The following HELZ2 variants were observed in gnomAD, a reference collection of about 807,000 sequenced individuals.
HELZ2 encodes the protein 3'-5' exoribonuclease HELZ2.
HELZ2 carries 143 observed loss-of-function variants against 208.8 expected under a neutral mutation model. That is an observed-to-expected ratio of 0.68 (90% CI 0.60 to 0.79). The LOEUF is 0.79. Ranked by LOEUF, HELZ2 falls within the 30% of genes least tolerant of loss-of-function variation. The pLI is 0.00. For missense variants in HELZ2, 3,690 were observed against 3,794.5 expected (o/e 0.97, Z 0.72); for synonymous variants, 1,705 against 1,693.7 (o/e 1.01, Z -0.16).
chr20:63,564,740 T>C, exon 8 of HELZ2: 1 of 1,611,442 alleles, frequency 6.2e-7, no homozygotes, highest in Non-Finnish European at 8.5e-7. Flanking sequence ...GGGACCCAGG[T>C]CTCGGACACT....
At chr20:63,568,756 C>T (rs756916746) in exon 5 of HELZ2, 99 of 1,604,722 alleles carry the variant, frequency 6.2e-5, no homozygotes, top group Non-Finnish European at 7.9e-5. Flanking sequence ...GCAGCCACAG[C>T]GCCTGCTCTG....
At chr20:63,566,796 C>A in intron 6 of HELZ2, 48 bp downstream of exon 7, 1 of 1,523,660 alleles carries the variant, frequency 6.6e-7, no homozygotes, top group East Asian at 2.3e-5. Context: ...GCTCCCCCTC[C>A]CCCAGCAGGG....
chr20:63,562,313 C>G, exon 9 of HELZ2: 1 of 1,599,718 alleles, frequency 6.3e-7, no homozygotes, highest in East Asian at 2.2e-5. Context: ...GCGGGACAGG[C>G]CGGCCCAGTG....
rs1301702115 is a variant in HELZ2, at chr20:63,560,977, A to T, written c.7147-48T>A. 6 of 1,601,400 alleles carry T rather than the reference A, an allele frequency of 3.7e-6. No individual in the cohort carries two copies. In the South Asian group the frequency reaches 5.5e-5, roughly 15 times the overall value. ...CCCTGACACCCCTAGACCCAGAGGG[A>T]CCCCAGCCCCACACGACACCCGCGT... is the stretch of plus-strand genomic sequence containing the variant. On this transcript the variant is annotated intron_variant, in intron 14 of 18. Transcript: ENST00000467148.
At chr20:63,567,677 T>C in intron 5 of HELZ2, 50 bp from the exon 7 acceptor site, 1 of 1,554,094 alleles carries the variant, frequency 6.4e-7, no homozygotes, top group Non-Finnish European at 8.7e-7. Flanking sequence ...GCCTCAGTGC[T>C]GTCCGCTAAA....
At chr20:63,571,625 A>G (rs2083016543) in intron 1 of HELZ2, 1 of 43,452 alleles carries the variant, frequency 2.3e-5, no homozygotes, top group Non-Finnish European at 4.0e-5. Flanking sequence ...CCCCGCTCCA[A>G]GCTCCTGGGA....
exon 10 of HELZ2, chr20:63,562,184 C>T (rs772899308): frequency 1.9e-6 from 3 of 1,612,114 alleles, no homozygotes; most frequent in Non-Finnish European, 2.5e-6. Flanking sequence ...TCTGCCGCTC[C>T]AGGAACCTGC....
exon 8 of HELZ2, chr20:63,565,396 C>T (rs200970369): frequency 3.2e-5 from 52 of 1,609,846 alleles, no homozygotes; most frequent in Admixed American, 1.8e-4. Flanking sequence ...GGATGGCTGA[C>T]GCCCGCTCGA....
chr20:63,565,752 C>T lies in HELZ2; in HGVS notation c.3070G>A (p.Ala1024Thr), dbSNP rs547702549. ...TCCTTCACTGCGTCTCCTGCTGGTGCTGCCGCAGCCTCCGTCTGCGCTGTG... is the reference window on the plus strand; with the variant it reads ...TCCTTCACTGCGTCTCCTGCTGGTGTTGCCGCAGCCTCCGTCTGCGCTGTG... Residue 1024 changes from alanine to threonine, a missense_variant, in exon 8 of 19, where the codon GCA (alanine) becomes ACA (threonine). Physicochemically the swap from Ala to Thr is moderately conservative, Grantham distance 58. Transcript: ENST00000467148. 3.1e-6 allele frequency: 5 copies of T among 1,602,268 alleles called. No homozygotes were observed. The South Asian group carries it at 3.3e-5, about 11-fold the overall frequency.
At chr20:63,569,710 A>C (rs965495076) in intron 3 of HELZ2, 45 bp from the exon 5 acceptor site, 1 of 1,459,774 alleles carries the variant, frequency 6.9e-7, no homozygotes, top group African/African-American at 1.4e-5. Context: ...GGCTCCCCCC[A>C]ACCCTCCCGA....
At chr20:63,559,990 A>G in exon 18 of HELZ2, 1 of 1,612,198 alleles carries the variant, frequency 6.2e-7, no homozygotes. Context: ...GGGGTCCACA[A>G]CGAAGCCCAG....
rs547012563 is a variant in HELZ2 at position 63,564,395 on chromosome 20, G to A, written c.4427C>T (p.Pro1476Leu). The A allele has an allele frequency of 2.0e-5, 31 of 1,546,028 alleles. No homozygotes were observed. The highest frequency in any genetic ancestry group is 4.9e-5 in the East Asian group (2 of 41,030). ...GGCGTCCACGGAGTCCAGGCGGGCC[G>A]GCAGCTCACGGCCGGCACCCGGGTG... The change falls in exon 8 of 19, where the codon CCG (proline) becomes CTG (leucine). Residue 1476 changes from proline to leucine, a missense_variant. By Grantham distance (98) the Pro-to-Leu change is moderately conservative. Transcript: ENST00000467148.
At position 63,564,447 on chromosome 20, in the gene HELZ2, C is replaced by T. The variant is rs539953336; in HGVS notation, c.4375G>A (p.Glu1459Lys). Residue 1459 changes from glutamate to lysine, a missense_variant, in exon 8 of 19, where the codon GAG (glutamate) becomes AAG (lysine). This residue lies in a region of HELZ2 where 2,564 missense variants were observed against 2,580.5 expected (regional missense o/e 0.99). Transcript: ENST00000467148. ...TGCCTGATCACCTCCTCCGCCTCCT[C>T]GTAGGACAGCTGGCGGTCAGACTGG... 5.7e-6 allele frequency: 9 copies of T among 1,565,550 alleles called. No homozygotes were observed. In the East Asian group the frequency reaches 7.1e-5, roughly 12 times the overall value.
rs891738892 is a variant in HELZ2 at position 63,569,678 on chromosome 20, C to T, written c.571-13G>A. 2.4e-5 allele frequency: 36 copies of T among 1,506,388 alleles called. No homozygotes were observed. The highest frequency in any genetic ancestry group is 3.0e-5 in the Non-Finnish European group (34 of 1,127,086). The allele number at this position is 1,506,388 out of a possible 1,614,324, so 93.3% of individuals were successfully genotyped here. ...GTAGCAGGGGCTCCTGGAGAGGAGG[C>T]CAGACGGTGAGGGGGGCCCAGGGCT... On this transcript the variant is annotated splice_polypyrimidine_tract_variant and intron_variant, in intron 3 of 18. Coordinates refer to ENST00000467148, the Ensembl canonical transcript of HELZ2.
Position 63,562,571 on chromosome 20 carries a change from CTCAGCACCTCT to C in HELZ2, c.6240_6250del (p.Glu2081AlafsTer8). 6.3e-7 allele frequency: 1 copy of C among 1,598,536 alleles called. No individual in the cohort carries two copies. The highest frequency in any genetic ancestry group is 8.5e-7 in the Non-Finnish European group (1 of 1,173,934). ...CTCAACGGTGAACAGGGTGCCCGGCCTCAGCACCTCTTCCGGAACCTTCTCCATGCCCATGT... is the reference window on the plus strand; with the variant it reads ...CTCAACGGTGAACAGGGTGCCCGGCCTCCGGAACCTTCTCCATGCCCATGT... On this transcript the variant is annotated frameshift_variant, in exon 8 of 19. Coordinates refer to ENST00000467148, the Ensembl canonical transcript of HELZ2. LOFTEE classifies it high-confidence loss of function.
chr20:63,572,305 C>A (rs1477321609), exon 1 of HELZ2: 1 of 1,586,778 alleles, frequency 6.3e-7, no homozygotes. Flanking sequence ...GGGCCGTGCG[C>A]CCGTCGCCAT....
exon 11 of HELZ2, chr20:63,561,984 C>G (rs1219079957): frequency 2.5e-6 from 4 of 1,592,788 alleles, no homozygotes; most frequent in Non-Finnish European, 3.4e-6. Context: ...CTTCCCTGTA[C>G]CTGCAGCCAG....
At chr20:63,562,249 G>C in intron 9 of HELZ2, 39 bp downstream of exon 10, 1 of 1,601,902 alleles carries the variant, frequency 6.2e-7, no homozygotes, top group Non-Finnish European at 8.5e-7. Context: ...GGTGGGGCTG[G>C]GGGCCAGAGG....
exon 17 of HELZ2, chr20:63,560,245 G>A (rs936501156): frequency 1.9e-6 from 3 of 1,560,548 alleles, no homozygotes; most frequent in Non-Finnish European, 2.6e-6. Flanking sequence ...GATCTCAGAG[G>A]CCTGCGCGTT....
Sources: allele counts gnomAD v4.1 joint callset, GRCh38; gene constraint gnomAD v4.1.1; regional missense constraint gnomAD v4.1.1; transcripts MANE v1.5; gene names NCBI Gene and HGNC (gene_info 2026-07-23, HGNC 2026-07-21).